ZNF407: variants seen among roughly 807,000 people sequenced by gnomAD.
The protein encoded by ZNF407 is zinc finger protein 407.
Under a neutral mutation model 131.2 loss-of-function variants are expected in ZNF407, and 17 were observed. That is an observed-to-expected ratio of 0.13 (90% CI 0.09 to 0.19). The LOEUF is 0.19. Ranked by LOEUF, ZNF407 falls within the 10% of genes least tolerant of loss-of-function variation. The pLI is 1.00. For missense variants in ZNF407, 2,681 were observed against 2,830.6 expected (o/e 0.95, Z 1.20); for synonymous variants, 1,156 against 1,062.0 (o/e 1.09, Z -1.72).
intron 4 of ZNF407, among the ~76,000 whole-genome samples, chr18:74,794,255 G>A (rs980304223): frequency 2.6e-5 from 4 of 152,160 alleles, no homozygotes; most frequent in Admixed American, 1.3e-4. Flanking sequence ...TCCATCATCT[G>A]CCATTGTCTT....
At chr18:74,741,310 G>A (rs750188781) in intron 3 of ZNF407, among the ~76,000 whole-genome samples, 63 of 152,050 alleles carry the variant, frequency 4.1e-4, no homozygotes, top group Non-Finnish European at 6.2e-4. Context: ...GTGTATATGT[G>A]TATCTACATT....
At chr18:74,819,355 T>G (rs1599175113) in intron 4 of ZNF407, among the ~76,000 whole-genome samples, 1 of 152,188 alleles carries the variant, frequency 6.6e-6, no homozygotes, top group East Asian at 1.9e-4. Context: ...TTTCTGAGAG[T>G]AGTCTTTAAA....
chr18:74,748,644 T>A (rs1229842333), intron 3 of ZNF407, among the ~76,000 whole-genome samples: 1 of 152,210 alleles, frequency 6.6e-6, no homozygotes, highest in African/African-American at 2.4e-5. Flanking sequence ...AAAAGAATTT[T>A]AATTTTATGG....
At chr18:74,990,961 G>A (rs1218935403) in intron 8 of ZNF407, among the ~76,000 whole-genome samples, 2 of 152,162 alleles carry the variant, frequency 1.3e-5, no homozygotes, top group Non-Finnish European at 2.9e-5. Context: ...TGTAGGTGAA[G>A]GGGGTGCTGA....
intron 8 of ZNF407, among the ~76,000 whole-genome samples, chr18:75,023,179 TA>T (rs1193556204): frequency 6.6e-6 from 1 of 151,828 alleles, no homozygotes; most frequent in African/African-American, 2.4e-5. Context: ...GGGTCTGAAG[TA>T]GGGGGGCAGG....
intron 1 of ZNF407, among the ~76,000 whole-genome samples, chr18:74,627,634 A>G (rs1983842661): frequency 6.6e-6 from 1 of 152,030 alleles, no homozygotes; most frequent in Non-Finnish European, 1.5e-5. Context: ...CCCAGCCAGA[A>G]GAGCATTTCC....
chr18:74,724,913 T>C (rs187547240), intron 3 of ZNF407, among the ~76,000 whole-genome samples: 1 of 152,364 alleles, frequency 6.6e-6, no homozygotes, highest in Non-Finnish European at 1.5e-5. Context: ...TACACACAAT[T>C]AAAATGCTTC....
chr18:74,896,688 C>T (rs545209419), intron 7 of ZNF407, among the ~76,000 whole-genome samples: 1 of 152,188 alleles, frequency 6.6e-6, no homozygotes, highest in Admixed American at 6.5e-5. Flanking sequence ...GTCATGATGA[C>T]ACTTTATACC....
intron 8 of ZNF407, among the ~76,000 whole-genome samples, chr18:74,962,787 C>T (rs1476696057): frequency 1.3e-5 from 2 of 152,222 alleles, no homozygotes; most frequent in African/African-American, 2.4e-5. Context: ...TCAGCACTTA[C>T]GTGCTCTGTT....
At chr18:74,811,264 A>G (rs1017294584) in intron 4 of ZNF407, among the ~76,000 whole-genome samples, 5 of 152,366 alleles carry the variant, frequency 3.3e-5, no homozygotes, top group East Asian at 1.9e-4. Flanking sequence ...GCCAAAAAAC[A>G]CATGAAAAAA....
At chr18:74,729,054 G>A (rs148759753) in intron 3 of ZNF407, among the ~76,000 whole-genome samples, 62 of 152,228 alleles carry the variant, frequency 4.1e-4, no homozygotes, top group South Asian at 1.7e-3. Context: ...GCCAGGACAG[G>A]TTTGTATCTG....
chr18:74,673,137 G>A (rs1331806331), intron 3 of ZNF407, among the ~76,000 whole-genome samples: 4 of 152,148 alleles, frequency 2.6e-5, no homozygotes, highest in African/African-American at 2.4e-5. Flanking sequence ...AAGACTCTAT[G>A]CCTTATTGGT....
intron 3 of ZNF407, among the ~76,000 whole-genome samples, chr18:74,701,937 C>T (rs1426520073): frequency 6.6e-6 from 1 of 152,182 alleles, no homozygotes; most frequent in Non-Finnish European, 1.5e-5. Flanking sequence ...GAATTTCAAA[C>T]TTAAAAGTAG....
intron 3 of ZNF407, among the ~76,000 whole-genome samples, chr18:74,723,625 A>G (rs1968090003): frequency 1.3e-5 from 2 of 151,902 alleles, no homozygotes; most frequent in African/African-American, 2.4e-5. Flanking sequence ...GCTCTCCTTT[A>G]TGGCTCTCTT....
At chr18:74,599,457 G>A (rs946150669) in intron 1 of ZNF407, among the ~76,000 whole-genome samples, 1 of 152,144 alleles carries the variant, frequency 6.6e-6, no homozygotes, top group Non-Finnish European at 1.5e-5. Context: ...ACCCTTCTAG[G>A]TGTTGGAAAT....
At chr18:74,978,717 C>T (rs1044265507) in intron 8 of ZNF407, among the ~76,000 whole-genome samples, 1 of 151,732 alleles carries the variant, frequency 6.6e-6, no homozygotes, top group African/African-American at 2.4e-5. Context: ...AACATCCAGG[C>T]ATCTAATAGT....
intron 1 of ZNF407, among the ~76,000 whole-genome samples, chr18:74,615,571 T>C (rs1426114267): frequency 6.6e-6 from 1 of 152,226 alleles, no homozygotes; most frequent in African/African-American, 2.4e-5. Flanking sequence ...AGTGAGGGCA[T>C]TAAATTCTTG....
intron 8 of ZNF407, among the ~76,000 whole-genome samples, chr18:75,028,363 C>A (rs536735269): frequency 1.4e-4 from 22 of 152,282 alleles, no homozygotes; most frequent in African/African-American, 5.1e-4. Context: ...GGCCTTCCCT[C>A]TTGTGTCCTA....
In ZNF407 at chr18:74,796,599, C is replaced by A. The variant is rs547042649; in HGVS notation, c.4877+15097C>A. Among the ~76,000 whole-genome samples the A allele has an allele frequency of 1.3e-4, 20 of 152,220 alleles. No homozygotes were observed. In the South Asian group the frequency reaches 4.2e-3, roughly 32 times the overall value. On this transcript the variant is annotated intron_variant, in intron 4 of 8. Coordinates refer to ENST00000299687, the MANE Select transcript of ZNF407 (RefSeq NM_017757.3). Reference sequence around the variant, plus strand: ...CTAATGAGCCTAAAATTCTAGCATACAATGCACTTTTGGCATCTTTTTTGA... The same window carrying A: ...CTAATGAGCCTAAAATTCTAGCATAAAATGCACTTTTGGCATCTTTTTTGA...
Sources: gnomAD v4.1 joint callset for allele counts (sites outside exome capture counted in the v4.1 genomes callset) on GRCh38, gnomAD v4.1.1 for gene constraint, MANE v1.5 for transcripts, NCBI Gene and HGNC (gene_info 2026-07-23, HGNC 2026-07-21) for gene names.